The following TNR variants were observed in gnomAD, a reference collection of about 807,000 sequenced individuals.
TNR encodes the protein tenascin-R.
In TNR, 45 loss-of-function variants were observed where a neutral mutation model predicts 150.4. That is an observed-to-expected ratio of 0.30 (90% confidence interval 0.24 to 0.38). TNR has a LOEUF of 0.38. TNR is among the 10% of genes least tolerant of loss of function. The probability of loss-of-function intolerance (pLI) is 1.00; values close to 1 mark genes in which losing one functional copy is unlikely to be tolerated. For synonymous variants in TNR, 687 were observed against 678.4 expected (o/e 1.01, Z -0.20); for missense variants, 1,544 against 1,759.1 (o/e 0.88, Z 2.19).
intron 1 of TNR, among the ~76,000 whole-genome samples, chr1:175,537,402 G>A (rs951721266): frequency 6.6e-6 from 1 of 152,128 alleles, no homozygotes; most frequent in African/African-American, 2.4e-5. Context: ...GCAGGTAATT[G>A]CTTACTCAGT....
At chr1:175,586,106 A>G (rs540636903) in intron 1 of TNR, among the ~76,000 whole-genome samples, 2 of 152,202 alleles carry the variant, frequency 1.3e-5, no homozygotes, top group African/African-American at 4.8e-5. Flanking sequence ...GAAGAATATC[A>G]GCAGAATAAT....
intron 1 of TNR, among the ~76,000 whole-genome samples, chr1:175,535,609 C>T (rs1253007697): frequency 6.6e-6 from 1 of 151,192 alleles, no homozygotes; most frequent in South Asian, 2.1e-4. Context: ...TATAGGCACT[C>T]GCCAACATGC....
intron 4 of TNR, among the ~76,000 whole-genome samples, chr1:175,399,353 A>T (rs559981771): frequency 6.6e-6 from 1 of 152,332 alleles, no homozygotes; most frequent in South Asian, 2.1e-4. Context: ...GCTAATATTA[A>T]CAATAGAGGG....
chr1:175,602,580 T>G (rs1372675219), intron 1 of TNR, among the ~76,000 whole-genome samples: 1 of 152,248 alleles, frequency 6.6e-6, no homozygotes, highest in Non-Finnish European at 1.5e-5. Flanking sequence ...GACACTGCAC[T>G]GTGTCCTTCT....
intron 14 of TNR, 57 bp from the exon 15 acceptor site, chr1:175,359,788 G>A: frequency 6.4e-7 from 1 of 1,551,828 alleles, no homozygotes; most frequent in Non-Finnish European, 8.7e-7. Flanking sequence ...TAGAAATGCA[G>A]GGAATGATCT....
At chr1:175,358,745 A>G (rs931511620) in intron 15 of TNR, among the ~76,000 whole-genome samples, 4 of 152,184 alleles carry the variant, frequency 2.6e-5, no homozygotes, top group South Asian at 2.1e-4. Context: ...TTCAACTTCA[A>G]ATGGTGTAAG....
At chr1:175,617,294 G>C in intron 1 of TNR, among the ~76,000 whole-genome samples, 1 of 152,192 alleles carries the variant, frequency 6.6e-6, no homozygotes, top group Non-Finnish European at 1.5e-5. Flanking sequence ...TACCCTTTTA[G>C]GTGTTGGTCC....
chr1:175,613,380 G>A (rs1035094881), intron 1 of TNR, among the ~76,000 whole-genome samples: 4 of 152,066 alleles, frequency 2.6e-5, no homozygotes, highest in Non-Finnish European at 5.9e-5. Flanking sequence ...GCTTTAAATT[G>A]GCCATGTTGG....
intron 2 of TNR, among the ~76,000 whole-genome samples, chr1:175,459,995 G>T (rs1021869418): frequency 6.6e-6 from 1 of 152,206 alleles, no homozygotes; most frequent in East Asian, 1.9e-4. Context: ...GTGTGGGTGA[G>T]TTTTGACATA....
At chr1:175,395,596 C>A (rs1464677983) in intron 5 of TNR, among the ~76,000 whole-genome samples, 1 of 116,096 alleles carries the variant, frequency 8.6e-6, no homozygotes, top group African/African-American at 3.4e-5. Flanking sequence ...CCACATAAGG[C>A]ACAGAGGCAT....
intron 1 of TNR, among the ~76,000 whole-genome samples, chr1:175,637,720 C>T (rs961095755): frequency 5.3e-5 from 8 of 152,112 alleles, no homozygotes; most frequent in African/African-American, 1.4e-4. Flanking sequence ...AACTTCAGTG[C>T]GGCTCCAAGA....
At chr1:175,349,646 G>T (rs1397543207) in intron 18 of TNR, among the ~76,000 whole-genome samples, 6 of 152,178 alleles carry the variant, frequency 3.9e-5, no homozygotes, top group Admixed American at 6.5e-5. Flanking sequence ...AGAGAAGAGG[G>T]TAAAAGGAAA....
chr1:175,474,507 A>G (rs1370713692), intron 2 of TNR, among the ~76,000 whole-genome samples: 1 of 152,210 alleles, frequency 6.6e-6, no homozygotes, highest in Non-Finnish European at 1.5e-5. Context: ...CTGTTGTTTA[A>G]GCCACCTAAG....
chr1:175,331,050 T>TTCCTTCC (rs1649781550), intron 20 of TNR, among the ~76,000 whole-genome samples: 1 of 95,762 alleles, frequency 1.0e-5, no homozygotes, highest in African/African-American at 4.2e-5. Context: ...TCTTTCTTTC[T>TTCCTTCC]TTCTTTCTTT....
Position 175,360,365 on chromosome 1 carries a change from C to T in TNR, c.2855-634G>A, listed in dbSNP as rs148079739. On this transcript the variant is annotated intron_variant, in intron 14 of 22. Coordinates refer to ENST00000367674, the MANE Select transcript of TNR (RefSeq NM_003285.3). ...CACAAGTCTCACTCAGGACTGAGTC[C>T]TTGGTATTCTTTTTGTTGCATTAAG... 8.5e-4 allele frequency among the ~76,000 whole-genome samples: 130 copies of T among 152,244 alleles called. 2 individuals carry two copies. The highest frequency in any genetic ancestry group is 3.0e-3 in the African/African-American group (124 of 41,548).
intron 3 of TNR, among the ~76,000 whole-genome samples, chr1:175,404,286 T>C (rs1002054546): frequency 3.9e-5 from 6 of 152,156 alleles, no homozygotes; most frequent in Admixed American, 1.3e-4. Context: ...AGGTCTTATG[T>C]GTTACAAACC....
intron 2 of TNR, among the ~76,000 whole-genome samples, chr1:175,420,731 G>T (rs1294657551): frequency 6.6e-6 from 1 of 152,142 alleles, no homozygotes; most frequent in Non-Finnish European, 1.5e-5. Context: ...TAAGGTGGGC[G>T]TATTGCTCCA....
At chr1:175,409,671 C>T (rs1432810076) in intron 2 of TNR, among the ~76,000 whole-genome samples, 1 of 152,056 alleles carries the variant, frequency 6.6e-6, no homozygotes, top group African/African-American at 2.4e-5. Context: ...CTTCTAGGTG[C>T]CTGGGATGTT....
At chr1:175,521,564 G>A (rs1659640607) in intron 2 of TNR, among the ~76,000 whole-genome samples, 1 of 152,214 alleles carries the variant, frequency 6.6e-6, no homozygotes, top group African/African-American at 2.4e-5. Context: ...AGGTGCCCAG[G>A]GAGATGTGAG....
Sources: allele counts gnomAD v4.1 joint callset (sites outside exome capture counted in the v4.1 genomes callset), GRCh38; gene constraint gnomAD v4.1.1; transcripts MANE v1.5; gene names NCBI Gene and HGNC (gene_info 2026-07-23, HGNC 2026-07-21).